Variants in SMAD3 observed in about 807,000 individuals in gnomAD.
The protein encoded by SMAD3 is MAD homolog 3.
A neutral mutation model predicts 51.8 loss-of-function variants in SMAD3; 12 were observed. The observed-to-expected ratio is 0.23, with a 90% CI of 0.15 to 0.38. SMAD3 has a LOEUF of 0.38. Among genes scored for constraint, SMAD3 ranks in the 10% least tolerant of loss-of-function variants. The pLI, the probability that SMAD3 is intolerant of heterozygous loss-of-function variation, is 1.00. For synonymous variants in SMAD3, 238 were observed against 227.7 expected (o/e 1.05, Z -0.41); for missense variants, 294 against 565.6 (o/e 0.52, Z 4.87).
chr15:67,077,187 C>A (rs1595887146), intron 1 of SMAD3, among the ~76,000 whole-genome samples: 1 of 151,490 alleles, frequency 6.6e-6, no homozygotes, highest in East Asian at 1.9e-4. Context: ...TGTAGGCCTT[C>A]CTCTGTATTT....
chr15:67,179,011 A>G (rs989762062), intron 5 of SMAD3, among the ~76,000 whole-genome samples: 3 of 152,206 alleles, frequency 2.0e-5, no homozygotes, highest in Admixed American at 6.5e-5. Flanking sequence ...GAATCGGGCT[A>G]TTATCATTGT....
At chr15:67,147,695 G>A (rs948745414) in intron 1 of SMAD3, among the ~76,000 whole-genome samples, 1 of 152,192 alleles carries the variant, frequency 6.6e-6, no homozygotes, top group Non-Finnish European at 1.5e-5. Context: ...ACAGATGTGA[G>A]CATGTCTGGA....
intron 1 of SMAD3, among the ~76,000 whole-genome samples, chr15:67,099,182 A>G (rs1960693368): frequency 6.6e-6 from 1 of 152,214 alleles, no homozygotes; most frequent in Admixed American, 6.5e-5. Context: ...GGAAAGTGGG[A>G]TAAGGACTAA....
rs372064378 is a variant in SMAD3, at chr15:67,170,550, G to T, written c.608-4G>T. On this transcript the variant is annotated splice_region_variant and splice_polypyrimidine_tract_variant and intron_variant, in intron 4 of 8. Coordinates refer to ENST00000327367, the MANE Select transcript of SMAD3 (RefSeq NM_005902.4). ...GAAGTCTCACAACTTGTCTCACCTC[G>T]CAGGTTCTCCAAACCTATCCCCGAA... 1.2e-6 allele frequency: 2 copies of T among 1,613,194 alleles called. No individual in the cohort carries two copies. The highest frequency in any genetic ancestry group is 2.2e-5 in the East Asian group (1 of 44,866).
At chr15:67,177,531 T>C (rs1962938365) in intron 5 of SMAD3, among the ~76,000 whole-genome samples, 1 of 150,840 alleles carries the variant, frequency 6.6e-6, no homozygotes, top group South Asian at 2.1e-4. Context: ...CAAGTGATTC[T>C]CCTGCCTCAG....
chr15:67,175,875 C>G (rs1459899586), intron 5 of SMAD3, among the ~76,000 whole-genome samples: 1 of 152,210 alleles, frequency 6.6e-6, no homozygotes, highest in Non-Finnish European at 1.5e-5. Context: ...ACAATGCAGC[C>G]TCTGGCTCCG....
intron 1 of SMAD3, among the ~76,000 whole-genome samples, chr15:67,156,100 G>T (rs990218907): frequency 3.3e-5 from 5 of 152,142 alleles, no homozygotes; most frequent in African/African-American, 1.2e-4. Flanking sequence ...GGGCAGATGG[G>T]CATATATCTG....
Position 67,194,204 on chromosome 15 carries a change from T to C in SMAD3, c.*3668T>C, listed in dbSNP as rs952918887. 1.3e-5 allele frequency: 3 copies of C among 233,384 alleles called. No individual in the cohort carries two copies. Among genetic ancestry groups the C allele is most frequent in the African/African-American group, 6.6e-5 (3 of 45,376 alleles). 14.5% of individuals were successfully genotyped at this position (233,384 alleles called of 1,614,324 possible). ...AAACCTCAACACAGCGAAGCTGTACTGTCTTTGTGTGGCAAAGATGTTCCC... is the reference window on the plus strand; with the variant it reads ...AAACCTCAACACAGCGAAGCTGTACCGTCTTTGTGTGGCAAAGATGTTCCC... On this transcript the variant is annotated 3_prime_UTR_variant, in exon 9 of 9. Coordinates refer to ENST00000327367, the MANE Select transcript of SMAD3 (RefSeq NM_005902.4).
At chr15:67,127,014 G>T (rs1422248903) in intron 1 of SMAD3, among the ~76,000 whole-genome samples, 1 of 152,194 alleles carries the variant, frequency 6.6e-6, no homozygotes, top group Non-Finnish European at 1.5e-5. Context: ...GAGCAGTAGG[G>T]TCATCGTGGT....
At chr15:67,129,296 C>T (rs1034720483) in intron 1 of SMAD3, among the ~76,000 whole-genome samples, 2 of 152,184 alleles carry the variant, frequency 1.3e-5, no homozygotes, top group African/African-American at 4.8e-5. Flanking sequence ...AGCAGTGTTG[C>T]CGGATATCAC....
chr15:67,164,443 T>C (rs1380115895), intron 1 of SMAD3, among the ~76,000 whole-genome samples: 1 of 151,818 alleles, frequency 6.6e-6, no homozygotes, highest in African/African-American at 2.4e-5. Context: ...ACTTTGTCAC[T>C]CTTCTTTGGA....
At chr15:67,073,760 C>T (rs143364871) in intron 1 of SMAD3, among the ~76,000 whole-genome samples, 145 of 152,320 alleles carry the variant, frequency 9.5e-4, no homozygotes, top group Non-Finnish European at 1.5e-3. Context: ...CTGCAACCTC[C>T]GCTTCCCAGG....
intron 1 of SMAD3, among the ~76,000 whole-genome samples, chr15:67,073,829 C>T (rs968071153): frequency 6.6e-6 from 1 of 152,192 alleles, no homozygotes; most frequent in Non-Finnish European, 1.5e-5. Context: ...CATGTGCCAC[C>T]ACACCCGGCT....
At chr15:67,173,957 G>A (rs1962820446) in intron 5 of SMAD3, among the ~76,000 whole-genome samples, 1 of 152,230 alleles carries the variant, frequency 6.6e-6, no homozygotes, top group Non-Finnish European at 1.5e-5. Flanking sequence ...GAAAGATGGT[G>A]GTGGGTTGCC....
intron 1 of SMAD3, among the ~76,000 whole-genome samples, chr15:67,148,031 ATTACT>A (rs1230151104): frequency 6.6e-6 from 1 of 152,074 alleles, no homozygotes; most frequent in Non-Finnish European, 1.5e-5. Flanking sequence ...CACATTTTTG[ATTACT>A]TATTTGCTCT....
rs183427253 is a variant in SMAD3, at chr15:67,102,638, T to C, written c.206+36278T>C. Among the ~76,000 whole-genome samples, 109 of 152,074 alleles carry C rather than the reference T, an allele frequency of 7.2e-4. 1 individual carries two copies. The highest frequency in any genetic ancestry group is 8.8e-4 in the Non-Finnish European group (60 of 67,988). ...GGGAGCAAGACCATCCAATGTATGATGGGGAATTCTGTTAAACAGGTAGAA... is the reference window on the plus strand; with the variant it reads ...GGGAGCAAGACCATCCAATGTATGACGGGGAATTCTGTTAAACAGGTAGAA... On this transcript the variant is annotated intron_variant, in intron 1 of 8. Transcript: ENST00000327367.
intron 1 of SMAD3, among the ~76,000 whole-genome samples, chr15:67,111,093 A>G (rs1566971655): frequency 1.3e-5 from 2 of 152,180 alleles, no homozygotes; most frequent in African/African-American, 4.8e-5. Context: ...ATCACTATCT[A>G]ATTTTAGAAC....
intron 1 of SMAD3, among the ~76,000 whole-genome samples, chr15:67,081,893 G>T (rs1264529807): frequency 6.6e-6 from 1 of 152,070 alleles, no homozygotes; most frequent in African/African-American, 2.4e-5. Context: ...ACTCATCAGG[G>T]TGATTAGTAT....
chr15:67,076,499 A>G (rs1249766500), intron 1 of SMAD3, among the ~76,000 whole-genome samples: 2 of 152,078 alleles, frequency 1.3e-5, no homozygotes, highest in African/African-American at 4.8e-5. Flanking sequence ...CTCAAGTACT[A>G]GCTTACTGGT....
Sources: allele counts gnomAD v4.1 joint callset (sites outside exome capture counted in the v4.1 genomes callset), GRCh38; gene constraint gnomAD v4.1.1; transcripts MANE v1.5; gene names NCBI Gene and HGNC (gene_info 2026-07-23, HGNC 2026-07-21).